SBF2: variants seen among roughly 807,000 people sequenced by gnomAD.
SBF2 encodes SET binding factor 2, also known as myotubularin-related protein 13.
A neutral mutation model predicts 225.2 loss-of-function variants in SBF2; 112 were observed. The observed-to-expected ratio is 0.50, with a 90% CI of 0.43 to 0.58. The LOEUF (loss-of-function observed/expected upper bound fraction) is 0.58. Ranked by LOEUF, SBF2 falls within the 20% of genes least tolerant of loss-of-function variation. The pLI, the probability that SBF2 is intolerant of heterozygous loss-of-function variation, is 0.00. For missense variants in SBF2, 1,996 were observed against 2,206.2 expected (o/e 0.90, Z 1.91); for synonymous variants, 763 against 773.3 (o/e 0.99, Z 0.22).
At position 9,845,755 on chromosome 11, in the gene SBF2, G is replaced by C. The variant is rs967262284; in HGVS notation, c.2935-15C>G. 3.5e-5 allele frequency: 56 copies of C among 1,612,196 alleles called. No individual in the cohort carries two copies. The highest frequency in any genetic ancestry group is 4.7e-5 in the Non-Finnish European group (55 of 1,178,438). ...ACCTTAATCAACTAGAAGCAAAAGA[G>C]ATTAAACACAAAAGAAGCATTAAGG... On this transcript the variant is annotated splice_polypyrimidine_tract_variant and intron_variant, in intron 23 of 39. Coordinates refer to ENST00000256190, the MANE Select transcript of SBF2 (RefSeq NM_030962.4).
intron 6 of SBF2, among the ~76,000 whole-genome samples, chr11:10,012,172 G>T (rs1189232270): frequency 6.6e-6 from 1 of 152,152 alleles, no homozygotes; most frequent in East Asian, 1.9e-4. Flanking sequence ...TTGAGAAAGG[G>T]TCTTACTCTG....
chr11:10,290,090 T>C lies in SBF2; in HGVS notation c.55+3925A>G, dbSNP rs771518262. Among the ~76,000 whole-genome samples the C allele has an allele frequency of 1.6e-4, 25 of 152,214 alleles. 1 individual carries two copies. Among genetic ancestry groups the C allele is most frequent in the South Asian group, 4.1e-4 (2 of 4,832 alleles). Reference sequence around the variant, plus strand: ...AGTTAAAAAGTTATACATTTCACTGTTGACATTCTACAATTTATACAAGCT... The same window carrying C: ...AGTTAAAAAGTTATACATTTCACTGCTGACATTCTACAATTTATACAAGCT... On this transcript the variant is annotated intron_variant, in intron 1 of 39. Coordinates refer to ENST00000256190, the MANE Select transcript of SBF2 (RefSeq NM_030962.4).
chr11:10,029,540 GA>G (rs1467636518), intron 5 of SBF2, among the ~76,000 whole-genome samples: 1 of 152,202 alleles, frequency 6.6e-6, no homozygotes, highest in African/African-American at 2.4e-5. Flanking sequence ...TATGCTATGT[GA>G]AAGATGAACC....
In SBF2 at chr11:10,000,967, T is replaced by C. The variant is rs1194829190; in HGVS notation, c.808A>G (p.Thr270Ala). The change falls in exon 8 of 40, where the codon ACG becomes GCG. Residue 270 changes from threonine (T) to alanine (A), a missense_variant. Physicochemically the swap from Thr to Ala is moderately conservative, Grantham distance 58. Coordinates refer to ENST00000256190, the MANE Select transcript of SBF2 (RefSeq NM_030962.4). ...GAATGTACTCCAATAATGAAAGGCG[T>C]TGGGGAACTTAGAACTTCCAGTAGC... The part of the protein sequence containing the change: ...AQLLEVLSSP[T>A]PFIIGVHSVF... The C allele has an allele frequency of 4.4e-6, 7 of 1,607,756 alleles. No individual in the cohort carries two copies. Among genetic ancestry groups the C allele is most frequent in the Admixed American group, 1.7e-5 (1 of 60,022 alleles).
intron 2 of SBF2, among the ~76,000 whole-genome samples, chr11:10,133,801 AGCCCAGGCAGGGGAGGT>A (rs1954215230): frequency 6.6e-6 from 1 of 152,132 alleles, no homozygotes. Flanking sequence ...CCAAAGTGGG[AGCCCAGGCAGGGGAGGT>A]GCCGAGAGCA....
intron 35 of SBF2, among the ~76,000 whole-genome samples, chr11:9,788,806 T>A (rs2133857381): frequency 6.6e-6 from 1 of 150,498 alleles, no homozygotes; most frequent in East Asian, 2.0e-4. Context: ...GGGGTTTTAC[T>A]GTGTTAACCA....
intron 3 of SBF2, among the ~76,000 whole-genome samples, chr11:10,038,937 G>A (rs61877050): frequency 0.05 from 7,614 of 151,774 alleles, 311 homozygotes; most frequent in Non-Finnish European, 0.069. Flanking sequence ...AGTAATAAAA[G>A]TCAATGTAAA....
intron 1 of SBF2, among the ~76,000 whole-genome samples, chr11:10,210,354 G>A (rs1022100224): frequency 1.3e-5 from 2 of 151,874 alleles, no homozygotes; most frequent in African/African-American, 4.8e-5. Flanking sequence ...AGAAGAGGAA[G>A]AAAGGAGGAG....
Position 9,962,250 on chromosome 11 carries a change from A to G in SBF2, c.1711-144T>C, listed in dbSNP as rs1866622674. ...AAATTAAACTCCTAGGGAATAGGTG[A>G]TTTATTATTAAGACAATTATAAAAT... On this transcript the variant is annotated intron_variant, in intron 15 of 39. Transcript: ENST00000256190. 10 of 598,788 alleles carry G rather than the reference A, an allele frequency of 1.7e-5. No individual in the cohort carries two copies. The South Asian group carries it at 2.0e-4, about 12-fold the overall frequency. The allele number at this position is 598,788 out of a possible 1,614,324, so 37.1% of individuals were successfully genotyped here.
intron 17 of SBF2, among the ~76,000 whole-genome samples, chr11:9,874,842 A>G (rs375061781): frequency 6.6e-6 from 1 of 152,238 alleles, no homozygotes. Context: ...TTGCATGTAC[A>G]TCTGCTAAAA....
intron 17 of SBF2, among the ~76,000 whole-genome samples, chr11:9,872,900 C>T (rs1858894994): frequency 6.6e-6 from 1 of 152,034 alleles, no homozygotes; most frequent in Non-Finnish European, 1.5e-5. Context: ...CTGAAAAGTA[C>T]ATCATAAAAG....
intron 17 of SBF2, among the ~76,000 whole-genome samples, chr11:9,879,628 ATAGTTGAAT>A (rs2134077827): frequency 6.6e-6 from 1 of 151,618 alleles, no homozygotes; most frequent in African/African-American, 2.4e-5. Context: ...CATTCAATTT[ATAGTTGAAT>A]TCATGTCCTG....
intron 4 of SBF2, among the ~76,000 whole-genome samples, chr11:10,030,299 T>C (rs918368712): frequency 6.6e-5 from 10 of 152,234 alleles, no homozygotes; most frequent in East Asian, 1.9e-4. Flanking sequence ...TAAGAAAGGA[T>C]TGCAAAACAG....
chr11:9,946,520 G>A (rs574384551), intron 16 of SBF2, among the ~76,000 whole-genome samples: 2 of 149,866 alleles, frequency 1.3e-5, no homozygotes, highest in African/African-American at 4.9e-5. Flanking sequence ...GTGCGATCTC[G>A]GCTCATGGCA....
At chr11:10,215,646 T>A (rs574659065) in intron 1 of SBF2, among the ~76,000 whole-genome samples, 2 of 144,194 alleles carry the variant, frequency 1.4e-5, no homozygotes, top group Non-Finnish European at 3.0e-5. Flanking sequence ...AAAAACCATG[T>A]ACCTCTTATG....
chr11:10,170,176 C>T (rs952660537), intron 2 of SBF2, among the ~76,000 whole-genome samples: 2 of 152,088 alleles, frequency 1.3e-5, no homozygotes, highest in Non-Finnish European at 2.9e-5. Flanking sequence ...GTTGTCTGTG[C>T]TTATGGGGTA....
intron 6 of SBF2, among the ~76,000 whole-genome samples, chr11:10,004,487 A>G (rs895273110): frequency 1.3e-5 from 2 of 151,068 alleles, no homozygotes; most frequent in African/African-American, 4.9e-5. Flanking sequence ...GGACCCCCAA[A>G]CCACCAAGCC....
intron 7 of SBF2, 21 bp from the exon 8 acceptor site, chr11:10,001,043 C>A (rs367700409): frequency 8.1e-7 from 1 of 1,227,396 alleles, no homozygotes; most frequent in South Asian, 1.2e-5. Flanking sequence ...TAAAAATATG[C>A]GTCAAATATA....
intron 13 of SBF2, among the ~76,000 whole-genome samples, chr11:9,974,396 C>T (rs1436080046): frequency 1.3e-5 from 2 of 151,962 alleles, no homozygotes; most frequent in African/African-American, 4.8e-5. Flanking sequence ...CTGTGACCAC[C>T]AAAAATGTCT....
Sources: gnomAD v4.1 joint callset for allele counts (sites outside exome capture counted in the v4.1 genomes callset) on GRCh38, gnomAD v4.1.1 for gene constraint, MANE v1.5 for transcripts, NCBI Gene and HGNC (gene_info 2026-07-23, HGNC 2026-07-21) for gene names.